The following RABGAP1L variants were observed in gnomAD, a reference collection of about 807,000 sequenced individuals.
RABGAP1L encodes the protein RAB GTPase activating protein 1 like, also known as rab GTPase-activating protein 1-like.
In RABGAP1L, 63 loss-of-function variants were observed where a neutral mutation model predicts 137.7. The ratio of observed to expected loss-of-function variants is 0.46; its 90% CI spans 0.37 to 0.56. The LOEUF is 0.56. Ranked by LOEUF, RABGAP1L falls within the 20% of genes least tolerant of loss-of-function variation. The pLI, the probability that RABGAP1L is intolerant of heterozygous loss-of-function variation, is 0.00. For synonymous variants in RABGAP1L, 431 were observed against 433.7 expected, an observed-to-expected ratio of 0.99 and a Z score of 0.08; for missense variants, 1,095 against 1,244.0, an observed-to-expected ratio of 0.88 and a Z score of 1.80.
rs73026406 is a variant in RABGAP1L, at chr1:174,582,112, C to T, written c.1711-55263C>T. The stretch of plus-strand genomic sequence containing the variant: ...CCAGACTAGGTGAGGTAGCTCACAC[C>T]TGTATTCCTAGCCCTTTGGGAGGCC... On this transcript the variant is annotated intron_variant, in intron 13 of 25. Transcript: ENST00000681986. 2.3e-3 allele frequency among the ~76,000 whole-genome samples: 356 copies of T among 152,188 alleles called. 1 individual carries two copies. The highest frequency in any genetic ancestry group is 7.9e-3 in the African/African-American group (329 of 41,540).
chr1:174,830,923 G>C (rs538124209), intron 19 of RABGAP1L, among the ~76,000 whole-genome samples: 1 of 148,026 alleles, frequency 6.8e-6, no homozygotes, highest in Non-Finnish European at 1.5e-5. Flanking sequence ...TGATTACAAG[G>C]AGCATCTAAC....
intron 15 of RABGAP1L, among the ~76,000 whole-genome samples, chr1:174,695,924 T>C (rs1207147960): frequency 6.6e-6 from 1 of 152,196 alleles, no homozygotes. Context: ...TCTCTTTTTC[T>C]CTTCTCTCAC....
intron 3 of RABGAP1L, among the ~76,000 whole-genome samples, chr1:174,226,387 C>T (rs1490426196): frequency 6.6e-6 from 1 of 152,144 alleles, no homozygotes; most frequent in Admixed American, 6.5e-5. Context: ...ATAGCGAAAC[C>T]CAATCTCAAT....
At chr1:174,969,680 T>C (rs1669966487) in intron 21 of RABGAP1L, among the ~76,000 whole-genome samples, 1 of 152,230 alleles carries the variant, frequency 6.6e-6, no homozygotes, top group African/African-American at 2.4e-5. Flanking sequence ...AGAACATCAG[T>C]CACCAAGAAT....
intron 1 of RABGAP1L, among the ~76,000 whole-genome samples, chr1:174,218,299 A>G (rs75603227): frequency 0.061 from 9,212 of 152,150 alleles, 977 homozygotes; most frequent in African/African-American, 0.21. Context: ...TTTTCTTACT[A>G]GTATGTAAGC....
At chr1:174,163,293 G>A (rs192190999) in intron 1 of RABGAP1L, among the ~76,000 whole-genome samples, 6 of 152,310 alleles carry the variant, frequency 3.9e-5, no homozygotes, top group Non-Finnish European at 8.8e-5. Context: ...TAATAAGGAA[G>A]AGTTAATGAA....
intron 23 of RABGAP1L, 96 bp from the exon 24 acceptor site, chr1:174,982,738 A>G: frequency 8.2e-7 from 1 of 1,215,328 alleles, no homozygotes; most frequent in South Asian, 1.3e-5. Context: ...CTAGGATCAG[A>G]TGTGCTAGCA....
intron 13 of RABGAP1L, among the ~76,000 whole-genome samples, chr1:174,519,627 A>G (rs1325627785): frequency 6.6e-6 from 1 of 152,172 alleles, no homozygotes; most frequent in Non-Finnish European, 1.5e-5. Context: ...TAACCATAAC[A>G]TTTATCTTTC....
At chr1:174,827,693 T>C (rs964260886) in intron 19 of RABGAP1L, among the ~76,000 whole-genome samples, 1 of 146,934 alleles carries the variant, frequency 6.8e-6, no homozygotes, top group African/African-American at 2.5e-5. Flanking sequence ...TTTTTACAGC[T>C]CCACCCTCCA....
chr1:174,990,010 T>C lies in RABGAP1L; in HGVS notation c.*9T>C, dbSNP rs1273719464. The C allele has an allele frequency of 6.5e-7, 1 of 1,529,116 alleles. No homozygotes were observed. The highest frequency in any genetic ancestry group is 8.9e-7 in the Non-Finnish European group (1 of 1,128,080). The allele number at this position is 1,529,116 out of a possible 1,614,324, so 94.7% of individuals were successfully genotyped here. Reference sequence around the variant, plus strand: ...CCAAGGAGAGCACATAGTTCCAGCCTTACCCAAGCACAAGAGCACAATGTT... The same window carrying C: ...CCAAGGAGAGCACATAGTTCCAGCCCTACCCAAGCACAAGAGCACAATGTT... On this transcript the variant is annotated 3_prime_UTR_variant, in exon 26 of 26. Transcript: ENST00000681986.
At chr1:174,667,103 G>A (rs964834692) in intron 14 of RABGAP1L, among the ~76,000 whole-genome samples, 7 of 151,826 alleles carry the variant, frequency 4.6e-5, no homozygotes, top group Admixed American at 2.0e-4. Context: ...TGTTTCCTAA[G>A]TTTTATCCTG....
chr1:174,423,564 A>G (rs1483214620), intron 13 of RABGAP1L, among the ~76,000 whole-genome samples: 1 of 152,184 alleles, frequency 6.6e-6, no homozygotes, highest in Non-Finnish European at 1.5e-5. Flanking sequence ...AAAAATTTAA[A>G]AGACTTCTGG....
At chr1:174,597,153 G>A (rs185391974) in intron 13 of RABGAP1L, among the ~76,000 whole-genome samples, 125 of 152,100 alleles carry the variant, frequency 8.2e-4, no homozygotes, top group Non-Finnish European at 1.5e-3. Context: ...ATCAATGTTC[G>A]TCAGAAATGT....
intron 5 of RABGAP1L, 118 bp from the exon 6 acceptor site, chr1:174,250,357 A>G: frequency 1.5e-6 from 1 of 656,164 alleles, no homozygotes; most frequent in Admixed American, 3.2e-5. Flanking sequence ...ATATAAAAAT[A>G]TATATTCTGC....
Position 174,348,309 on chromosome 1 carries a change from C to T in RABGAP1L, c.1466-22670C>T, listed in dbSNP as rs183472386. Among the ~76,000 whole-genome samples the T allele has an allele frequency of 4.0e-3, 557 of 140,754 alleles. 5 individuals carry two copies. Among genetic ancestry groups the T allele is most frequent in the African/African-American group, 0.012 (479 of 39,068 alleles). 92.3% of individuals were successfully genotyped at this position (140,754 alleles called of 152,430 possible). On this transcript the variant is annotated intron_variant, in intron 11 of 25. Transcript: ENST00000681986. ...AAAGTAATCGCAGTTTTTGCCATTA[C>T]TTTCAATAGCAAAAACTGTGATTAC...
intron 11 of RABGAP1L, among the ~76,000 whole-genome samples, chr1:174,318,449 T>C (rs562620029): frequency 1.4e-4 from 22 of 152,234 alleles, no homozygotes; most frequent in Non-Finnish European, 2.8e-4. Context: ...TGGGGCGTTG[T>C]GTTTTTGTTT....
chr1:174,437,338 G>T (rs1029563454), intron 13 of RABGAP1L, among the ~76,000 whole-genome samples: 1 of 152,002 alleles, frequency 6.6e-6, no homozygotes, highest in Admixed American at 6.6e-5. Flanking sequence ...TTAGATGAAT[G>T]GATAACTAGA....
At position 174,904,069 on chromosome 1, in the gene RABGAP1L, C is replaced by T. The variant is rs141150436; in HGVS notation, c.2341-53388C>T. Among the ~76,000 whole-genome samples, 134 of 151,990 alleles carry T rather than the reference C, an allele frequency of 8.8e-4. 2 individuals are homozygous for T. The East Asian group carries it at 0.025, about 28-fold the overall frequency. On this transcript the variant is annotated intron_variant, in intron 19 of 25. Transcript: ENST00000681986. The stretch of plus-strand genomic sequence containing the variant: ...CAGAAAACCAAAAACAAATATATAG[C>T]GCCAAGATTTTTGCTAGCAACAACT...
chr1:174,285,123 T>C (rs1675942071), intron 10 of RABGAP1L, among the ~76,000 whole-genome samples: 1 of 152,126 alleles, frequency 6.6e-6, no homozygotes, highest in Non-Finnish European at 1.5e-5. Flanking sequence ...TTCAAGCTAT[T>C]CTCCTGCTTC....
Sources: allele counts gnomAD v4.1 joint callset (sites outside exome capture counted in the v4.1 genomes callset), GRCh38; gene constraint gnomAD v4.1.1; transcripts MANE v1.5; gene names NCBI Gene and HGNC (gene_info 2026-07-23, HGNC 2026-07-21).